The following POFUT4 variants were observed in gnomAD, a reference collection of about 807,000 sequenced individuals.
POFUT4 encodes the protein GDP-fucose protein O-fucosyltransferase 4.
At chr10:73,772,408 G>A in the POFUT4 span, 8 of 1,573,210 alleles carry the variant, frequency 5.1e-6, no homozygotes, top group Non-Finnish European at 6.0e-6. Context: ...GCGGCCATGG[G>A]TCCGTAGCGG....
the POFUT4 span, chr10:73,773,852 T>C: frequency 1.3e-6 from 2 of 1,515,852 alleles, no homozygotes; most frequent in African/African-American, 2.8e-5. Context: ...TATCAAATCA[T>C]TTACTTACTT....
chr10:73,772,525 G>T, the POFUT4 span: 1 of 1,563,132 alleles, frequency 6.4e-7, no homozygotes, highest in African/African-American at 1.4e-5. Context: ...GCTCTGGGAC[G>T]CCGCGGCCAG....
chr10:73,772,899 A>G, the POFUT4 span: 131 of 1,611,560 alleles, frequency 8.1e-5, no homozygotes, highest in Non-Finnish European at 1.0e-4. Flanking sequence ...GGGACCGCCT[A>G]TCTGCGCCGC....
the POFUT4 span, among the ~76,000 whole-genome samples, chr10:73,776,599 T>TA: frequency 6.6e-6 from 1 of 152,156 alleles, no homozygotes; most frequent in African/African-American, 2.4e-5. Context: ...GAGGATCACT[T>TA]GAGTCCAGGA....
At chr10:73,772,619 A>G in the POFUT4 span, 1 of 1,562,048 alleles carries the variant, frequency 6.4e-7, no homozygotes, top group Non-Finnish European at 8.7e-7. Context: ...CTCGGAGCGC[A>G]TCGAGTGTGC....
At chr10:73,780,181 C>T in the POFUT4 span, 1 of 152,150 alleles carries the variant, frequency 6.6e-6, no homozygotes, top group Non-Finnish European at 1.5e-5. Flanking sequence ...AGGCTGCTTC[C>T]TTTATTACTG....
chr10:73,773,891 G>A, the POFUT4 span: 4 of 1,457,746 alleles, frequency 2.7e-6, no homozygotes, highest in Non-Finnish European at 3.7e-6. Context: ...AGTAGCACTA[G>A]GTGCTGAGCA....
At chr10:73,772,784 C>A in the POFUT4 span, 2 of 1,610,878 alleles carry the variant, frequency 1.2e-6, no homozygotes, top group African/African-American at 2.7e-5. Flanking sequence ...GGAGTCGCCC[C>A]TCAACAACTT....
At chr10:73,777,069 C>G in the POFUT4 span, among the ~76,000 whole-genome samples, 2 of 152,126 alleles carry the variant, frequency 1.3e-5, no homozygotes, top group African/African-American at 4.8e-5. Flanking sequence ...TGCCATCATT[C>G]TTACTGCTGG....
chr10:73,774,067 A>G, the POFUT4 span: 1 of 472,302 alleles, frequency 2.1e-6, no homozygotes. Context: ...TGGTTCAAAA[A>G]GATTGAACCA....
the POFUT4 span, chr10:73,773,229 C>T: frequency 2.1e-4 from 343 of 1,613,140 alleles, 1 homozygote; most frequent in Non-Finnish European, 2.8e-4. Flanking sequence ...TCGGGAGCTG[C>T]CTACCGCGCG....
the POFUT4 span, among the ~76,000 whole-genome samples, chr10:73,778,391 CAA>C: frequency 3.7e-4 from 16 of 43,064 alleles, no homozygotes; most frequent in African/African-American, 6.3e-4. Flanking sequence ...AACTCCATCC[CAA>C]AAAAAAAAAA....
At chr10:73,772,670 A>G in the POFUT4 span, 2 of 1,558,592 alleles carry the variant, frequency 1.3e-6, no homozygotes, top group Non-Finnish European at 8.7e-7. Flanking sequence ...CCGAGCGCTG[A>G]GGGACTCGCG....
chr10:73,772,699 C>T, the POFUT4 span: 4 of 1,578,048 alleles, frequency 2.5e-6, no homozygotes, highest in Non-Finnish European at 3.4e-6. Flanking sequence ...CGCTGCTCTT[C>T]TACGGCACAG....
At chr10:73,776,580 T>C in the POFUT4 span, among the ~76,000 whole-genome samples, 46 of 152,132 alleles carry the variant, frequency 3.0e-4, no homozygotes, top group African/African-American at 1.0e-3. Context: ...ACTTGGGAGG[T>C]TGAGGCAGGA....
the POFUT4 span, chr10:73,772,373 G>A: frequency 6.4e-7 from 1 of 1,552,000 alleles, no homozygotes; most frequent in Non-Finnish European, 8.7e-7. Context: ...GGTCCTTCTA[G>A]GGGTGCTCAG....
At chr10:73,779,258 TAAAAAAA>T in the POFUT4 span, 1 of 136,710 alleles carries the variant, frequency 7.3e-6, no homozygotes, top group South Asian at 2.2e-4. Context: ...GACCTCTGTC[TAAAAAAA>T]AAAAAAAAAT....
At chr10:73,775,224 C>T in the POFUT4 span, 20 of 602,760 alleles carry the variant, frequency 3.3e-5, no homozygotes, top group African/African-American at 3.7e-4. Context: ...CCTTGCTTTC[C>T]TTATGGAGAC....
At chr10:73,779,840 G>A in the POFUT4 span, 17,764 of 152,248 alleles carry the variant, frequency 0.12, 1,153 homozygotes, top group South Asian at 0.19. Flanking sequence ...GTATAAAGTG[G>A]GCAGTTGTTT....
Sources: gnomAD v4.1 joint callset for allele counts (sites outside exome capture counted in the v4.1 genomes callset) on GRCh38, gnomAD v4.1.1 for gene constraint, MANE v1.5 for transcripts, NCBI Gene and HGNC (gene_info 2026-07-23, HGNC 2026-07-21) for gene names.